The following CDK17 variants were observed in gnomAD, a reference collection of about 807,000 sequenced individuals.
CDK17 encodes the protein cyclin dependent kinase 17, also known as cyclin-dependent kinase 17.
CDK17 carries 24 observed loss-of-function variants against 77.6 expected under a neutral mutation model. The observed-to-expected ratio is 0.31, with a 90% confidence interval of 0.22 to 0.44. The LOEUF (loss-of-function observed/expected upper bound fraction) is 0.44. Among genes scored for constraint, CDK17 ranks in the 20% least tolerant of loss-of-function variants. The pLI, the probability that CDK17 is intolerant of heterozygous loss-of-function variation, is 1.00. For missense variants in CDK17, 429 were observed against 622.5 expected (o/e 0.69, Z 3.31); for synonymous variants, 203 against 210.4 (o/e 0.96, Z 0.30).
At chr12:96,316,000 A>T (rs1451590289) in intron 3 of CDK17, among the ~76,000 whole-genome samples, 9 of 151,878 alleles carry the variant, frequency 5.9e-5, no homozygotes, top group African/African-American at 2.2e-4. Flanking sequence ...TCCCAGCGTG[A>T]GCGACGCAGA....
At chr12:96,389,512 G>A (rs1478491180) in intron 1 of CDK17, among the ~76,000 whole-genome samples, 2 of 152,126 alleles carry the variant, frequency 1.3e-5, no homozygotes, top group Non-Finnish European at 2.9e-5. Context: ...CTGGAGAAGG[G>A]AGGGATCAAC....
intron 5 of CDK17, among the ~76,000 whole-genome samples, chr12:96,305,761 A>G (rs1302711615): frequency 6.6e-6 from 1 of 151,948 alleles, no homozygotes; most frequent in Non-Finnish European, 1.5e-5. Flanking sequence ...CTCTGTCGAC[A>G]AGGCTGGAGT....
At chr12:96,330,253 G>T (rs1284999556) in intron 2 of CDK17, among the ~76,000 whole-genome samples, 4 of 149,788 alleles carry the variant, frequency 2.7e-5, no homozygotes, top group Admixed American at 6.6e-5. Flanking sequence ...TCTTAAAATA[G>T]AATTAAGACT....
Position 96,339,324 on chromosome 12 carries a change from G to A in CDK17, c.-29-4459C>T, listed in dbSNP as rs149559352. On this transcript the variant is annotated intron_variant, in intron 1 of 16. Coordinates refer to ENST00000261211, the MANE Select transcript of CDK17 (RefSeq NM_002595.5). Reference sequence around the variant, plus strand: ...TACGTAGTCCAAACTGAGTTGTGCTGCAGCTGTAAAATACACAGTGGACTT... The same window carrying A: ...TACGTAGTCCAAACTGAGTTGTGCTACAGCTGTAAAATACACAGTGGACTT... Among the ~76,000 whole-genome samples the A allele has an allele frequency of 1.6e-4, 25 of 152,048 alleles. No individual in the cohort carries two copies. The East Asian group carries it at 4.9e-3, about 30-fold the overall frequency.
intron 15 of CDK17, 197 bp downstream of exon 15, chr12:96,282,312 A>G (rs1430767302): frequency 2.0e-6 from 1 of 505,610 alleles, no homozygotes; most frequent in East Asian, 3.1e-5. Context: ...AGGAGTGACA[A>G]TGTGCTCAGT....
chr12:96,279,329 T>A lies in CDK17; in HGVS notation c.*913A>T, dbSNP rs1253292358. 6.6e-6 allele frequency: 1 copy of A among 152,144 alleles called. No homozygotes were observed. The highest frequency in any genetic ancestry group is 2.4e-5 in the African/African-American group (1 of 41,448). 9.4% of individuals were successfully genotyped at this position (152,144 alleles called of 1,614,324 possible). On this transcript the variant is annotated 3_prime_UTR_variant, in exon 17 of 17. Coordinates refer to ENST00000261211, the MANE Select transcript of CDK17 (RefSeq NM_002595.5). Reference sequence around the variant, plus strand: ...GTTATTGAAACACATAGCCCCCAAATGAAAGAAACTATTCCCCAATGAAAT... The same window carrying A: ...GTTATTGAAACACATAGCCCCCAAAAGAAAGAAACTATTCCCCAATGAAAT...
At chr12:96,283,667 TA>T in intron 13 of CDK17, 22 bp from the exon 14 acceptor site, 2 of 1,532,324 alleles carry the variant, frequency 1.3e-6, no homozygotes, top group Non-Finnish European at 1.8e-6. Flanking sequence ...AAAGAACAAG[TA>T]AAAATTTATG....
chr12:96,339,268 G>A (rs915505775), intron 1 of CDK17, among the ~76,000 whole-genome samples: 2 of 152,036 alleles, frequency 1.3e-5, no homozygotes, highest in East Asian at 1.9e-4. Flanking sequence ...CAAAACTGTA[G>A]CCAACAGCAG....
chr12:96,291,656 A>C (rs1952326495), intron 10 of CDK17, among the ~76,000 whole-genome samples: 1 of 142,416 alleles, frequency 7.0e-6, no homozygotes, highest in Admixed American at 7.3e-5. Flanking sequence ...TTTGAGATGA[A>C]GTCTCGCTCT....
intron 1 of CDK17, among the ~76,000 whole-genome samples, chr12:96,349,427 T>C (rs141043350): frequency 0.22 from 32,804 of 151,090 alleles, 4,430 homozygotes; most frequent in Middle Eastern, 0.33. Flanking sequence ...CACTCCAGTC[T>C]GGGCAACAAG....
intron 1 of CDK17, among the ~76,000 whole-genome samples, chr12:96,385,012 GA>G (rs75720821): frequency 0.019 from 1,420 of 75,524 alleles, 13 homozygotes; most frequent in African/African-American, 0.056. Flanking sequence ...TTTCTCAAGG[GA>G]AAAAAAAAAA....
chr12:96,386,986 T>G lies in CDK17; in HGVS notation c.-30+13000A>C, dbSNP rs970403605. On this transcript the variant is annotated intron_variant, in intron 1 of 16. Transcript: ENST00000261211. ...ACAAGTAGTGTATCCAGAGGTAAAC[T>G]GTCTGGTAGAGTAAAATATCTAATG... is the stretch of plus-strand genomic sequence containing the variant. The G allele has an allele frequency of 2.0e-5, 6 of 293,010 alleles. No individual in the cohort carries two copies. The Admixed American group carries it at 2.4e-4, about 12-fold the overall frequency. 18.2% of individuals were successfully genotyped at this position (293,010 alleles called of 1,614,324 possible).
chr12:96,380,722 A>C (rs1953865673), intron 1 of CDK17, among the ~76,000 whole-genome samples: 1 of 152,190 alleles, frequency 6.6e-6, no homozygotes, highest in Non-Finnish European at 1.5e-5. Flanking sequence ...TGGCTTCACT[A>C]TAGAAAACAA....
intron 1 of CDK17, among the ~76,000 whole-genome samples, chr12:96,377,449 T>C (rs1953796747): frequency 6.6e-6 from 1 of 151,992 alleles, no homozygotes; most frequent in Non-Finnish European, 1.5e-5. Context: ...GACATGAGAA[T>C]TCAAAGAAGG....
chr12:96,286,770 T>G lies in CDK17; in HGVS notation c.1119-9A>C. ...AAATGCAACCAACACCCCTTTAAAA[T>G]AGATCATGAAAATAATTTAGCAATT... On this transcript the variant is annotated splice_polypyrimidine_tract_variant and intron_variant, in intron 11 of 16. Coordinates refer to ENST00000261211, the MANE Select transcript of CDK17 (RefSeq NM_002595.5). 1 of 1,585,644 alleles carries G rather than the reference T, an allele frequency of 6.3e-7. No individual in the cohort carries two copies. The highest frequency in any genetic ancestry group is 8.6e-7 in the Non-Finnish European group (1 of 1,156,898).
At chr12:96,345,154 G>A (rs1953185199) in intron 1 of CDK17, among the ~76,000 whole-genome samples, 1 of 152,186 alleles carries the variant, frequency 6.6e-6, no homozygotes, top group South Asian at 2.1e-4. Context: ...CAAAGGACAT[G>A]ATCTCATTCC....
chr12:96,382,672 A>C, intron 1 of CDK17, among the ~76,000 whole-genome samples: 1 of 152,210 alleles, frequency 6.6e-6, no homozygotes, highest in Non-Finnish European at 1.5e-5. Flanking sequence ...ATAATTAAGT[A>C]AGCTTTGTTC....
chr12:96,371,323 T>G (rs1304683446), intron 1 of CDK17, among the ~76,000 whole-genome samples: 2 of 152,180 alleles, frequency 1.3e-5, no homozygotes, highest in African/African-American at 4.8e-5. Context: ...TGGTGACATA[T>G]CATGACCCAC....
At chr12:96,284,544 G>C (rs1015264992) in intron 13 of CDK17, 8 of 151,112 alleles carry the variant, frequency 5.3e-5, no homozygotes, top group Non-Finnish European at 1.2e-4. Flanking sequence ...TATAACTAGG[G>C]GTAGTAGGGT....
Sources: allele counts gnomAD v4.1 joint callset (sites outside exome capture counted in the v4.1 genomes callset), GRCh38; gene constraint gnomAD v4.1.1; transcripts MANE v1.5; gene names NCBI Gene and HGNC (gene_info 2026-07-23, HGNC 2026-07-21).